The following HIPK3 variants were observed in gnomAD, a reference collection of about 807,000 sequenced individuals.
HIPK3 encodes homeodomain-interacting protein kinase 3.
A neutral mutation model predicts 124.2 loss-of-function variants in HIPK3; 47 were observed. The ratio of observed to expected loss-of-function variants is 0.38; its 90% CI spans 0.30 to 0.48. The LOEUF (loss-of-function observed/expected upper bound fraction) is 0.48. Among genes scored for constraint, HIPK3 ranks in the 20% least tolerant of loss-of-function variants. The pLI is 0.98. For missense variants in HIPK3, 1,286 were observed against 1,454.3 expected (o/e 0.88, Z 1.88); for synonymous variants, 482 against 515.2 (o/e 0.94, Z 0.87).
intron 8 of HIPK3, 85 bp from the exon 9 acceptor site, chr11:33,347,208 A>G (rs1853520249): frequency 1.5e-6 from 2 of 1,315,468 alleles, no homozygotes; most frequent in Non-Finnish European, 2.1e-6. Flanking sequence ...TCAGAATCTA[A>G]GCAATTCTTG....
Position 33,351,605 on chromosome 11 carries a change from T to C in HIPK3, c.2808-3T>C. 6.2e-7 allele frequency: 1 copy of C among 1,607,500 alleles called. No homozygotes were observed. The highest frequency in any genetic ancestry group is 1.1e-5 in the South Asian group (1 of 90,732). ...ACTCATAAAAAATGCTTTCTTTTTG[T>C]AGTATGTCAGATGAAGAGCAAGAAA... On this transcript the variant is annotated splice_region_variant and splice_polypyrimidine_tract_variant and intron_variant, in intron 14 of 16. Transcript: ENST00000303296.
chr11:33,322,983 GTTC>G (rs1294909563), intron 2 of HIPK3, among the ~76,000 whole-genome samples: 1 of 152,156 alleles, frequency 6.6e-6, no homozygotes, highest in African/African-American at 2.4e-5. Flanking sequence ...ACTGGAGTGT[GTTC>G]TTCTCAGCAT....
chr11:33,317,175 T>A (rs1852527477), intron 2 of HIPK3, among the ~76,000 whole-genome samples: 3 of 152,102 alleles, frequency 2.0e-5, no homozygotes, highest in Admixed American at 6.6e-5. Flanking sequence ...TTTGCCGTAT[T>A]GGCCAAGGCT....
rs1385003086 is a variant in HIPK3 at position 33,287,355 on chromosome 11, A to G, written c.941A>G (p.Lys314Arg). 5 of 1,614,052 alleles carry G rather than the reference A, an allele frequency of 3.1e-6. No individual in the cohort carries two copies. In the African/African-American group the frequency reaches 6.7e-5, roughly 22 times the overall value. ...QQVATALKKLKSLGLIHADLK... is the reference protein window; with the variant it reads ...QQVATALKKLRSLGLIHADLK... ...GTGGCCACTGCACTGAAAAAATTGA[A>G]AAGTCTTGGTTTAATTCATGCTGAT... Residue 314 changes from lysine (K) to arginine (R), a missense_variant, in exon 2 of 17, where the codon AAA (lysine) becomes AGA (arginine). Lys to Arg is a conservative substitution (Grantham distance 26). This residue lies in a region of HIPK3 where 251 missense variants were observed against 349.1 expected (regional missense o/e 0.72). Transcript: ENST00000303296.
intron 15 of HIPK3, 39 bp from the exon 16 acceptor site, chr11:33,352,099 G>A (rs1195474411): frequency 1.3e-6 from 2 of 1,578,946 alleles, no homozygotes; most frequent in East Asian, 2.2e-5. Context: ...ATTTGAAAAG[G>A]AAAAAGCATA....
In HIPK3 at chr11:33,278,932, A is replaced by G. The variant is rs184414451; in HGVS notation, c.-2-7481A>G. The stretch of plus-strand genomic sequence containing the variant: ...AAAGGAAAAGATTTTTAAAATGGAG[A>G]TTTGAACAAATAGAAGTAAGTTGAG... On this transcript the variant is annotated intron_variant, in intron 1 of 16. Coordinates refer to ENST00000303296, the MANE Select transcript of HIPK3 (RefSeq NM_005734.5). 2.6e-4 allele frequency among the ~76,000 whole-genome samples: 39 copies of G among 152,330 alleles called. 2 individuals are homozygous for G. Among genetic ancestry groups the G allele is most frequent in the Admixed American group, 2.5e-3 (39 of 15,302 alleles).
At chr11:33,291,378 T>C (rs999059418) in intron 2 of HIPK3, among the ~76,000 whole-genome samples, 1 of 152,240 alleles carries the variant, frequency 6.6e-6, no homozygotes, top group African/African-American at 2.4e-5. Context: ...AATGCACATA[T>C]CCTGATTTCT....
At chr11:33,257,122 G>A (rs1850683682), upstream of HIPK3, among the ~76,000 whole-genome samples, 2 of 152,174 alleles carry the variant, frequency 1.3e-5, no homozygotes, top group Admixed American at 6.5e-5. Context: ...CGGGCTGACG[G>A]ATGCTTCTTT....
chr11:33,309,799 C>G (rs2133940396), intron 2 of HIPK3, among the ~76,000 whole-genome samples: 1 of 152,308 alleles, frequency 6.6e-6, no homozygotes, highest in South Asian at 2.1e-4. Context: ...TACTGCTAAA[C>G]ACTTCAGCAT....
At chr11:33,308,613 G>GGT (rs10628141) in intron 2 of HIPK3, among the ~76,000 whole-genome samples, 60,385 of 147,268 alleles carry the variant, frequency 0.41, 12,264 homozygotes, top group South Asian at 0.5. Flanking sequence ...TGTGCCTAGG[G>GGT]GTGTGTGTGT....
intron 2 of HIPK3, among the ~76,000 whole-genome samples, chr11:33,317,741 A>G (rs1248965837): frequency 6.6e-6 from 1 of 152,150 alleles, no homozygotes; most frequent in Non-Finnish European, 1.5e-5. Flanking sequence ...CTATGCCTGC[A>G]TTTTATAACC....
intron 1 of HIPK3, among the ~76,000 whole-genome samples, chr11:33,261,208 T>C (rs1850817031): frequency 1.4e-5 from 2 of 146,934 alleles, no homozygotes; most frequent in South Asian, 4.2e-4. Context: ...TATATATGTA[T>C]TTTTTTTTCT....
At chr11:33,311,141 T>C (rs1302899443) in intron 2 of HIPK3, among the ~76,000 whole-genome samples, 1 of 152,246 alleles carries the variant, frequency 6.6e-6, no homozygotes, top group Admixed American at 6.5e-5. Context: ...TCTCAGGTCC[T>C]GGCTGTCTTG....
intron 2 of HIPK3, among the ~76,000 whole-genome samples, chr11:33,296,699 G>A (rs1451271901): frequency 6.6e-6 from 1 of 152,162 alleles, no homozygotes; most frequent in Non-Finnish European, 1.5e-5. Flanking sequence ...ACCACAGACT[G>A]TGCCTATATA....
At chr11:33,301,006 G>T (rs1016510142) in intron 2 of HIPK3, among the ~76,000 whole-genome samples, 4 of 151,946 alleles carry the variant, frequency 2.6e-5, no homozygotes, top group African/African-American at 9.7e-5. Flanking sequence ...TACCACACCC[G>T]GTTTTATGTG....
intron 3 of HIPK3, among the ~76,000 whole-genome samples, chr11:33,336,416 TTATC>T (rs1240911129): frequency 6.6e-6 from 1 of 152,152 alleles, no homozygotes; most frequent in East Asian, 1.9e-4. Context: ...CACCCAGTGT[TTATC>T]AATCTAAATC....
chr11:33,294,214 T>C (rs1275875278), intron 2 of HIPK3, among the ~76,000 whole-genome samples: 1 of 151,988 alleles, frequency 6.6e-6, no homozygotes, highest in Non-Finnish European at 1.5e-5. Flanking sequence ...AGTTTAAACT[T>C]TTTTAGTTCC....
intron 1 of HIPK3, among the ~76,000 whole-genome samples, chr11:33,272,731 G>A (rs1565056163): frequency 1.7e-5 from 1 of 57,366 alleles, no homozygotes; most frequent in Non-Finnish European, 3.7e-5. Flanking sequence ...GAAGTGCAGT[G>A]GTGCAATCTC....
intron 7 of HIPK3, 40 bp from the exon 8 acceptor site, chr11:33,341,523 A>C (rs1853333850): frequency 3.3e-6 from 5 of 1,535,060 alleles, no homozygotes; most frequent in Non-Finnish European, 4.4e-6. Flanking sequence ...TGTATATTTC[A>C]TTTAGAAGAC....
Sources: allele counts gnomAD v4.1 joint callset (sites outside exome capture counted in the v4.1 genomes callset), GRCh38; gene constraint gnomAD v4.1.1; regional missense constraint gnomAD v4.1.1; transcripts MANE v1.5; gene names NCBI Gene and HGNC (gene_info 2026-07-23, HGNC 2026-07-21).